MAGI3: variants seen among roughly 807,000 people sequenced by gnomAD.
The protein encoded by MAGI3 is membrane-associated guanylate kinase, WW and PDZ domain-containing protein 3.
Under a neutral mutation model 121.8 loss-of-function variants are expected in MAGI3, and 43 were observed. The observed-to-expected ratio is 0.35, with a 90% CI of 0.28 to 0.46. The LOEUF is 0.46. Ranked by LOEUF, MAGI3 falls within the 20% of genes least tolerant of loss-of-function variation. The pLI is 1.00. For synonymous variants in MAGI3, 553 were observed against 639.3 expected (o/e 0.86, Z 2.04); for missense variants, 1,547 against 1,797.3 (o/e 0.86, Z 2.52).
At chr1:113,444,763 T>C (rs1403162303) in intron 1 of MAGI3, among the ~76,000 whole-genome samples, 1 of 152,142 alleles carries the variant, frequency 6.6e-6, no homozygotes, top group African/African-American at 2.4e-5. Flanking sequence ...CAGAAACTCT[T>C]CCTGAAAAAG....
In MAGI3 at chr1:113,642,528, C is replaced by A; in HGVS notation, c.1966+12C>A. On this transcript the variant is annotated intron_variant, in intron 10 of 20. Transcript: ENST00000307546. ...TATCTTAAGAGGAGGTAAGTAAAAG[C>A]ACAACATAGAAAAAGTTTCAGTGTT... The A allele has an allele frequency of 6.3e-7, 1 of 1,594,606 alleles. No individual in the cohort carries two copies. Among genetic ancestry groups the A allele is most frequent in the Non-Finnish European group, 8.5e-7 (1 of 1,169,764 alleles).
rs1449393051 is a variant in MAGI3 at position 113,623,723 on chromosome 1, G to A, written c.1360+729G>A. ...AGGATGGTCTGGATCTCCTGACCTC[G>A]TGATCCGCCTGCCTTGGCCTCCCAA... On this transcript the variant is annotated intron_variant, in intron 9 of 20. Coordinates refer to ENST00000307546, the MANE Select transcript of MAGI3 (RefSeq NM_001142782.2). Among the ~76,000 whole-genome samples, 8 of 151,968 alleles carry A rather than the reference G, an allele frequency of 5.3e-5. No individual in the cohort carries two copies. The South Asian group carries it at 8.3e-4, about 16-fold the overall frequency.
In MAGI3 at chr1:113,391,243, G is replaced by T. The variant is rs770214212; in HGVS notation, c.210G>T (p.Val70=). The change falls in exon 1 of 21, where the codon GTG becomes GTT. Residue 70 remains valine (V), a synonymous_variant. Coordinates refer to ENST00000307546, the MANE Select transcript of MAGI3 (RefSeq NM_001142782.2). The surrounding 1 kb of genome is among the most constrained non-coding windows in gnomAD (Gnocchi z 4.4). ...VSGKAPSPGD[V]LLEVNGTPVS... ...GCAAGGCGCCCAGCCCAGGCGATGT[G>T]CTGCTGGAGGTAAACGGGACGCCTG... is the stretch of plus-strand genomic sequence containing the variant. 39 of 1,572,950 alleles carry T rather than the reference G, an allele frequency of 2.5e-5. No individual in the cohort carries two copies.
At chr1:113,679,232 T>A (rs1473497437) in intron 19 of MAGI3, among the ~76,000 whole-genome samples, 1 of 152,098 alleles carries the variant, frequency 6.6e-6, no homozygotes, top group African/African-American at 2.4e-5. Context: ...AATAGGCAGT[T>A]TTTTAGCCCT....
intron 6 of MAGI3, among the ~76,000 whole-genome samples, chr1:113,611,103 T>C (rs1650103957): frequency 6.6e-6 from 1 of 151,348 alleles, no homozygotes; most frequent in African/African-American, 2.4e-5. Context: ...TTTTTTTTTT[T>C]TGAGACAGAC....
chr1:113,414,231 G>A (rs1222540588), intron 1 of MAGI3, among the ~76,000 whole-genome samples: 1 of 152,088 alleles, frequency 6.6e-6, no homozygotes, highest in African/African-American at 2.4e-5. Flanking sequence ...ATGAAGCCAA[G>A]TTGATTGTGG....
intron 1 of MAGI3, among the ~76,000 whole-genome samples, chr1:113,441,636 G>C (rs1167496100): frequency 6.6e-6 from 1 of 152,124 alleles, no homozygotes; most frequent in East Asian, 1.9e-4. Context: ...TAAATCATGA[G>C]TTGAATGACC....
At chr1:113,545,497 G>A (rs991633115) in intron 1 of MAGI3, among the ~76,000 whole-genome samples, 3 of 152,210 alleles carry the variant, frequency 2.0e-5, no homozygotes, top group African/African-American at 7.2e-5. Flanking sequence ...TGCTTGCCTG[G>A]CCATTGCCAT....
intron 11 of MAGI3, among the ~76,000 whole-genome samples, chr1:113,644,544 G>T (rs1191684721): frequency 1.3e-5 from 2 of 152,166 alleles, no homozygotes; most frequent in African/African-American, 2.4e-5. Context: ...GCCTCCCAAA[G>T]TGCTGGGATT....
chr1:113,448,909 G>A (rs1654316320), intron 1 of MAGI3, among the ~76,000 whole-genome samples: 4 of 152,152 alleles, frequency 2.6e-5, no homozygotes, highest in Admixed American at 6.5e-5. Context: ...ACCTGAGGTC[G>A]GGAGTTCAAG....
chr1:113,566,370 A>G (rs1002640043), intron 2 of MAGI3, among the ~76,000 whole-genome samples: 1 of 152,194 alleles, frequency 6.6e-6, no homozygotes, highest in Admixed American at 6.5e-5. Context: ...TAATTTTGGT[A>G]TATTCATACA....
chr1:113,478,015 G>T, intron 1 of MAGI3, among the ~76,000 whole-genome samples: 1 of 152,058 alleles, frequency 6.6e-6, no homozygotes, highest in East Asian at 1.9e-4. Context: ...CCACTTGATT[G>T]AATTAGCTGA....
At chr1:113,662,732 G>A (rs889671365) in intron 16 of MAGI3, among the ~76,000 whole-genome samples, 1 of 152,062 alleles carries the variant, frequency 6.6e-6, no homozygotes, top group Admixed American at 6.5e-5. Context: ...TTTGTTGTGT[G>A]TTGGCATTTA....
At chr1:113,434,412 C>G (rs746452133) in intron 1 of MAGI3, among the ~76,000 whole-genome samples, 1 of 152,072 alleles carries the variant, frequency 6.6e-6, no homozygotes, top group Non-Finnish European at 1.5e-5. Context: ...TCCACCACCA[C>G]CACCACACAC....
rs893354791 is a variant in MAGI3, at chr1:113,422,761, G to C, written c.316+31412G>C. On this transcript the variant is annotated intron_variant, in intron 1 of 20. Transcript: ENST00000307546. The surrounding 1 kb of genome is among the most constrained non-coding windows in gnomAD (Gnocchi z 4.3). ...CCCTATTGCCCTCAGTGTGGCGAGT[G>C]GGGGAGGCATGTTTCGGGGGGCATG... 6.6e-6 allele frequency among the ~76,000 whole-genome samples: 1 copy of C among 152,224 alleles called. No individual in the cohort carries two copies. The highest frequency in any genetic ancestry group is 1.5e-5 in the Non-Finnish European group (1 of 68,030).
At chr1:113,439,278 T>G (rs916075585) in intron 1 of MAGI3, among the ~76,000 whole-genome samples, 1 of 152,204 alleles carries the variant, frequency 6.6e-6, no homozygotes, top group South Asian at 2.1e-4. Context: ...CCATTTAATA[T>G]TTTTGGACCA....
chr1:113,608,784 T>C (rs1168544625), intron 6 of MAGI3, among the ~76,000 whole-genome samples: 2 of 152,182 alleles, frequency 1.3e-5, no homozygotes, highest in African/African-American at 2.4e-5. Context: ...ATTTGAAGAA[T>C]TGGATGAACA....
rs778783865 is a variant in MAGI3 at position 113,585,446 on chromosome 1, G to C, written c.613G>C (p.Val205Leu). ...ACCCAGCCCTTTTCAGCCAGATCCA[G>C]TTGATCAAGTCCTCTTTGATAATGA... ...AEPSPFQPDP[V>L]DQVLFDNEFD... The change falls in exon 4 of 21, where the codon GTT (valine) becomes CTT (leucine). Residue 205 changes from valine (V) to leucine (L), a missense_variant. Physicochemically the swap from Val to Leu is conservative, Grantham distance 32 (BLOSUM62 1). Transcript: ENST00000307546. 4 of 1,613,980 alleles carry C rather than the reference G, an allele frequency of 2.5e-6. No homozygotes were observed. Among genetic ancestry groups the C allele is most frequent in the Non-Finnish European group, 3.4e-6 (4 of 1,180,002 alleles).
intron 1 of MAGI3, among the ~76,000 whole-genome samples, chr1:113,518,487 A>G (rs1658033319): frequency 1.3e-5 from 2 of 152,080 alleles, no homozygotes; most frequent in Admixed American, 6.6e-5. Flanking sequence ...GTGTCTACAT[A>G]TAGTACAATA....
Sources: allele counts gnomAD v4.1 joint callset (sites outside exome capture counted in the v4.1 genomes callset), GRCh38; gene constraint gnomAD v4.1.1; non-coding constraint Gnocchi (gnomAD v3.1); transcripts MANE v1.5; gene names NCBI Gene and HGNC (gene_info 2026-07-23, HGNC 2026-07-21).